PSEN1: variants seen among roughly 807,000 people sequenced by gnomAD.
PSEN1 encodes presenilin-1.
A neutral mutation model predicts 53.5 loss-of-function variants in PSEN1; 15 were observed. The observed-to-expected ratio is 0.28, with a 90% CI of 0.19 to 0.43. The LOEUF (loss-of-function observed/expected upper bound fraction) is 0.43, where lower values mean the gene tolerates loss of function less well. PSEN1 is among the 20% of genes least tolerant of loss of function. PSEN1 has a pLI of 1.00. For missense variants in PSEN1, 387 were observed against 571.2 expected (o/e 0.68, Z 3.29); for synonymous variants, 208 against 209.8 (o/e 0.99, Z 0.08).
intron 9 of PSEN1, among the ~76,000 whole-genome samples, chr14:73,210,949 G>T (rs1243925564): frequency 1.3e-5 from 2 of 152,084 alleles, no homozygotes; most frequent in African/African-American, 4.8e-5. Flanking sequence ...GAGATTGATA[G>T]TCATTATAAT....
intron 9 of PSEN1, 125 bp from the exon 10 acceptor site, chr14:73,211,644 C>A: frequency 2.1e-6 from 2 of 958,432 alleles, no homozygotes; most frequent in Non-Finnish European, 1.6e-6. Context: ...ACTGCTACAG[C>A]CCATGCTTTG....
At chr14:73,205,251 C>T (rs564845554) in intron 8 of PSEN1, among the ~76,000 whole-genome samples, 30 of 151,616 alleles carry the variant, frequency 2.0e-4, no homozygotes, top group African/African-American at 4.8e-4. Context: ...CTGAGGCGGG[C>T]GGATCACGAG....
At chr14:73,183,675 GAA>G (rs1205470716) in intron 5 of PSEN1, among the ~76,000 whole-genome samples, 1 of 151,948 alleles carries the variant, frequency 6.6e-6, no homozygotes, top group Non-Finnish European at 1.5e-5. Context: ...AGAACAAAAT[GAA>G]AAGTCTCCCA....
chr14:73,193,146 C>T (rs2140094490), intron 7 of PSEN1, among the ~76,000 whole-genome samples: 1 of 152,022 alleles, frequency 6.6e-6, no homozygotes, highest in Middle Eastern at 3.4e-3. Flanking sequence ...CTCGTATCTA[C>T]AGAAAATACA....
chr14:73,154,008 C>T (rs992573025), intron 3 of PSEN1, among the ~76,000 whole-genome samples: 2 of 152,044 alleles, frequency 1.3e-5, no homozygotes, highest in Admixed American at 6.6e-5. Flanking sequence ...ACCACCGTGC[C>T]TGCCAATACA....
chr14:73,184,698 C>A (rs1462203456), intron 5 of PSEN1, among the ~76,000 whole-genome samples: 1 of 122,130 alleles, frequency 8.2e-6, no homozygotes, highest in Non-Finnish European at 1.8e-5. Context: ...GGGGGGCTGA[C>A]CCCCCCACCT....
rs1235490015 is a variant in PSEN1, at chr14:73,186,922, T to C, written c.548+2T>C. The C allele has an allele frequency of 6.2e-7, 1 of 1,611,790 alleles. No homozygotes were observed. The highest frequency in any genetic ancestry group is 1.3e-5 in the African/African-American group (1 of 74,992). ...CTTTTTTTCATTCATTTACTTGGGG[T>C]AAGTTGTGAAATTTTTGGTCTGTCT... On this transcript the variant is annotated splice_donor_variant, in intron 6 of 11. Coordinates refer to ENST00000324501, the MANE Select transcript of PSEN1 (RefSeq NM_000021.4). LOFTEE classifies it high-confidence loss of function.
At chr14:73,157,620 CCTT>C (rs1406634198) in intron 3 of PSEN1, among the ~76,000 whole-genome samples, 1 of 152,114 alleles carries the variant, frequency 6.6e-6, no homozygotes, top group Non-Finnish European at 1.5e-5. Context: ...TGTAATCTCT[CCTT>C]CTCCTCCCTG....
chr14:73,147,198 C>A (rs559221214), intron 1 of PSEN1, among the ~76,000 whole-genome samples: 1 of 152,208 alleles, frequency 6.6e-6, no homozygotes, highest in African/African-American at 2.4e-5. Flanking sequence ...GTTGGTCAGG[C>A]TGGTTTCGAA....
At chr14:73,211,150 A>T (rs1458825599) in intron 9 of PSEN1, among the ~76,000 whole-genome samples, 1 of 152,228 alleles carries the variant, frequency 6.6e-6, no homozygotes, top group Non-Finnish European at 1.5e-5. Flanking sequence ...CTTTCACGTG[A>T]CAGGAAGGCC....
At chr14:73,194,203 G>A (rs1197599938) in intron 7 of PSEN1, among the ~76,000 whole-genome samples, 2 of 151,866 alleles carry the variant, frequency 1.3e-5, no homozygotes, top group East Asian at 3.9e-4. Context: ...AGATTAATAT[G>A]TGACCCCTTC....
At chr14:73,205,504 A>T (rs779985031) in intron 8 of PSEN1, among the ~76,000 whole-genome samples, 18 of 149,726 alleles carry the variant, frequency 1.2e-4, no homozygotes, top group Non-Finnish European at 2.1e-4. Context: ...AAAAAAAATT[A>T]CTGTGACCAG....
At chr14:73,155,194 G>A (rs1009832820) in intron 3 of PSEN1, among the ~76,000 whole-genome samples, 1 of 152,144 alleles carries the variant, frequency 6.6e-6, no homozygotes, top group Non-Finnish European at 1.5e-5. Context: ...AGTTAGTAGT[G>A]TAAAGGTACT....
chr14:73,177,917 T>A (rs1018794048), intron 5 of PSEN1, among the ~76,000 whole-genome samples: 2 of 152,138 alleles, frequency 1.3e-5, no homozygotes, highest in Admixed American at 6.5e-5. Flanking sequence ...ATTTGGAAAA[T>A]TTTTCAACCA....
rs993910377 is a variant in PSEN1 at position 73,221,233 on chromosome 14, T to C, written c.*1944T>C. 7.2e-5 allele frequency: 11 copies of C among 152,206 alleles called. No individual in the cohort carries two copies. The highest frequency in any genetic ancestry group is 1.2e-4 in the Non-Finnish European group (8 of 68,024). 9.4% of individuals were successfully genotyped at this position (152,206 alleles called of 1,614,324 possible). A position where few individuals can be genotyped will look rare whatever the true frequency, so the allele number is the denominator to read the frequency against. ...GTTCTATCATCTCAATTCATTTTTT[T>C]CCATGAAATCCCTTCTTCCAAGATT... On this transcript the variant is annotated 3_prime_UTR_variant, in exon 12 of 12. Transcript: ENST00000324501.
At chr14:73,195,989 A>G (rs1178991858) in intron 7 of PSEN1, among the ~76,000 whole-genome samples, 1 of 152,180 alleles carries the variant, frequency 6.6e-6, no homozygotes, top group Non-Finnish European at 1.5e-5. Context: ...TATTTTTACC[A>G]TCAACCCTCC....
chr14:73,164,901 A>C (rs1280431359), intron 3 of PSEN1, among the ~76,000 whole-genome samples: 1 of 152,208 alleles, frequency 6.6e-6, no homozygotes, highest in African/African-American at 2.4e-5. Flanking sequence ...AAATCTGGAC[A>C]GCCAGTGAAT....
intron 5 of PSEN1, among the ~76,000 whole-genome samples, chr14:73,177,231 A>G (rs1898071492): frequency 1.3e-5 from 2 of 152,124 alleles, no homozygotes; most frequent in Admixed American, 6.5e-5. Context: ...ATAACTTTTA[A>G]TGTAGTATTT....
In PSEN1 at chr14:73,170,913, A is replaced by T; in HGVS notation, c.204A>T (p.Glu68Asp). ...NSRQVVEQDEEEDEELTLKYG... is the reference protein window; with the variant it reads ...NSRQVVEQDEDEDEELTLKYG... Reference sequence around the variant, plus strand: ...GGCAGGTGGTGGAGCAAGATGAGGAAGAAGATGAGGAGCTGACATTGAAAT... The same window carrying T: ...GGCAGGTGGTGGAGCAAGATGAGGATGAAGATGAGGAGCTGACATTGAAAT... The change falls in exon 4 of 12, where the codon GAA (glutamate) becomes GAT (aspartate). Residue 68 changes from glutamate to aspartate, a missense_variant. By Grantham distance (45) the Glu-to-Asp change is conservative. Around this residue, in one of 4 missense-constraint regions of PSEN1, gnomAD observed 99 missense variants for 101.5 expected, o/e 0.98. Coordinates refer to ENST00000324501, the MANE Select transcript of PSEN1 (RefSeq NM_000021.4). 2 of 1,614,228 alleles carry T rather than the reference A, an allele frequency of 1.2e-6. No individual in the cohort carries two copies. Among genetic ancestry groups the T allele is most frequent in the Non-Finnish European group, 1.7e-6 (2 of 1,180,022 alleles).
Sources: allele counts gnomAD v4.1 joint callset (sites outside exome capture counted in the v4.1 genomes callset), GRCh38; gene constraint gnomAD v4.1.1; regional missense constraint gnomAD v4.1.1; transcripts MANE v1.5; gene names NCBI Gene and HGNC (gene_info 2026-07-23, HGNC 2026-07-21).